C10orf90: variants seen among roughly 807,000 people sequenced by gnomAD.
C10orf90 encodes (E2-independent) E3 ubiquitin-conjugating enzyme FATS.
Under a neutral mutation model 62.5 loss-of-function variants are expected in C10orf90, and 56 were observed. That is an observed-to-expected ratio of 0.90 (90% confidence interval 0.72 to 1.12). The LOEUF (loss-of-function observed/expected upper bound fraction) is 1.12. C10orf90 is among the 50% of genes most tolerant of loss of function. C10orf90 has a pLI of 0.00. For missense variants in C10orf90, 970 were observed against 880.4 expected, an observed-to-expected ratio of 1.10 and a Z score of -1.29; for synonymous variants, 386 against 340.4, an observed-to-expected ratio of 1.13 and a Z score of -1.47.
At chr10:126,650,692 C>T (rs1846274196) in intron 1 of C10orf90, among the ~76,000 whole-genome samples, 2 of 152,232 alleles carry the variant, frequency 1.3e-5, no homozygotes, top group African/African-American at 4.8e-5. Context: ...TGGCAAAGCT[C>T]TGATATTCAC....
intron 4 of C10orf90, among the ~76,000 whole-genome samples, chr10:126,497,056 G>A (rs1234235658): frequency 1.3e-5 from 2 of 152,252 alleles, no homozygotes; most frequent in African/African-American, 2.4e-5. Flanking sequence ...AACCAGAGAA[G>A]AGCCCAGTGT....
intron 1 of C10orf90, among the ~76,000 whole-genome samples, chr10:126,661,590 A>C (rs1166390280): frequency 6.6e-6 from 1 of 152,022 alleles, no homozygotes; most frequent in African/African-American, 2.4e-5. Flanking sequence ...AATTGACCAA[A>C]ATGATGTCAG....
chr10:126,451,060 A>G (rs1859147814), intron 7 of C10orf90, among the ~76,000 whole-genome samples: 1 of 152,170 alleles, frequency 6.6e-6, no homozygotes, highest in Non-Finnish European at 1.5e-5. Context: ...TCTAAAAAAA[A>G]AAAATTGGCC....
intron 2 of C10orf90, among the ~76,000 whole-genome samples, chr10:126,566,298 C>T (rs537344654): frequency 1.1e-4 from 17 of 152,226 alleles, no homozygotes; most frequent in African/African-American, 2.4e-4. Context: ...TCAAAGTAAG[C>T]GAATATTCAT....
At chr10:126,651,186 T>C (rs926818935) in intron 1 of C10orf90, among the ~76,000 whole-genome samples, 1 of 152,202 alleles carries the variant, frequency 6.6e-6, no homozygotes, top group Non-Finnish European at 1.5e-5. Flanking sequence ...AATATTTTAC[T>C]GTTTTTGTTG....
intron 2 of C10orf90, among the ~76,000 whole-genome samples, chr10:126,556,023 C>T (rs1864762938): frequency 6.6e-6 from 1 of 152,156 alleles, no homozygotes; most frequent in East Asian, 1.9e-4. Flanking sequence ...GTGAGTTGAC[C>T]TCACGTTAAC....
At chr10:126,660,410 C>A (rs1158981383) in intron 1 of C10orf90, among the ~76,000 whole-genome samples, 1 of 152,198 alleles carries the variant, frequency 6.6e-6, no homozygotes, top group Non-Finnish European at 1.5e-5. Flanking sequence ...AAGAAGCAAA[C>A]AACGTATTGT....
chr10:126,453,523 C>T lies in C10orf90; in HGVS notation c.2188+5517G>A, dbSNP rs751973025. 1.2e-4 allele frequency among the ~76,000 whole-genome samples: 18 copies of T among 151,980 alleles called. No individual in the cohort carries two copies. Among genetic ancestry groups the T allele is most frequent in the South Asian group, 1.0e-3 (5 of 4,808 alleles). On this transcript the variant is annotated intron_variant, in intron 7 of 9. Transcript: ENST00000488181. The surrounding 1 kb of genome is among the most constrained non-coding windows in gnomAD (Gnocchi z 4.9). The stretch of plus-strand genomic sequence containing the variant: ...GTTCCTGAAGGGTTTTCTACACATT[C>T]GAAGGTTAAGGGGACAAACTGAGAG...
chr10:126,623,629 G>A (rs1206298327), intron 2 of C10orf90, among the ~76,000 whole-genome samples: 1 of 151,972 alleles, frequency 6.6e-6, no homozygotes, highest in Non-Finnish European at 1.5e-5. Flanking sequence ...ATCATTTGAG[G>A]TTAGGAATTT....
intron 2 of C10orf90, among the ~76,000 whole-genome samples, chr10:126,612,177 T>A (rs1845448511): frequency 1.3e-5 from 2 of 152,120 alleles, no homozygotes; most frequent in Admixed American, 6.6e-5. Context: ...AAAAATTAGC[T>A]GCGCATGGAG....
intron 2 of C10orf90, among the ~76,000 whole-genome samples, chr10:126,515,833 C>T (rs1863410408): frequency 6.6e-6 from 1 of 152,230 alleles, no homozygotes; most frequent in Non-Finnish European, 1.5e-5. Context: ...CCTTGGGTGA[C>T]AGTGAGCGCC....
chr10:126,565,096 A>G (rs1378926813), intron 2 of C10orf90, among the ~76,000 whole-genome samples: 2 of 42,512 alleles, frequency 4.7e-5, no homozygotes, highest in Non-Finnish European at 8.0e-5. Context: ...TATATATTAT[A>G]TAATATATAA....
intron 3 of C10orf90, among the ~76,000 whole-genome samples, chr10:126,512,534 TCG>T (rs1863191700): frequency 6.6e-6 from 1 of 152,102 alleles, no homozygotes; most frequent in South Asian, 2.1e-4. Context: ...ATTTGCCAGC[TCG>T]GTGTGAAAAA....
intron 2 of C10orf90, among the ~76,000 whole-genome samples, chr10:126,634,275 A>C (rs778355815): frequency 2.0e-5 from 3 of 152,228 alleles, no homozygotes; most frequent in Non-Finnish European, 4.4e-5. Context: ...TATAGGCACA[A>C]AACAATACTA....
intron 2 of C10orf90, among the ~76,000 whole-genome samples, chr10:126,539,077 G>A (rs1864313920): frequency 6.6e-6 from 1 of 152,194 alleles, no homozygotes. Flanking sequence ...TGGGGAGAAA[G>A]AGCCTGGAGG....
At chr10:126,450,320 AT>A (rs937491720) in intron 7 of C10orf90, among the ~76,000 whole-genome samples, 2 of 152,180 alleles carry the variant, frequency 1.3e-5, no homozygotes, top group African/African-American at 4.8e-5. Context: ...TTTCAATGAC[AT>A]TTTTCACAGA....
chr10:126,649,080 C>CA (rs67086616), intron 1 of C10orf90, among the ~76,000 whole-genome samples: 1 of 118,752 alleles, frequency 8.4e-6, no homozygotes, highest in Non-Finnish European at 1.7e-5. Context: ...CTCCCCCCCC[C>CA]CCAGCAATTC....
intron 7 of C10orf90, among the ~76,000 whole-genome samples, chr10:126,452,588 C>G (rs1311507502): frequency 6.6e-6 from 1 of 152,174 alleles, no homozygotes; most frequent in African/African-American, 2.4e-5. Context: ...CCTTATCATT[C>G]TGAAACTCAG....
chr10:126,489,917 C>A (rs1861626922), intron 4 of C10orf90, among the ~76,000 whole-genome samples: 1 of 140,120 alleles, frequency 7.1e-6, no homozygotes, highest in Non-Finnish European at 1.5e-5. Flanking sequence ...TACATGCATA[C>A]AATTGGAGGC....
Sources: gnomAD v4.1 joint callset for allele counts (sites outside exome capture counted in the v4.1 genomes callset) on GRCh38, gnomAD v4.1.1 for gene constraint, Gnocchi (gnomAD v3.1) non-coding constraint, MANE v1.5 for transcripts, NCBI Gene and HGNC (gene_info 2026-07-23, HGNC 2026-07-21) for gene names.